CDKAL1: variants seen among roughly 807,000 people sequenced by gnomAD.
CDKAL1 encodes CDKAL1 threonylcarbamoyladenosine tRNA methylthiotransferase, also known as threonylcarbamoyladenosine tRNA methylthiotransferase.
CDKAL1 carries 32 observed loss-of-function variants against 68.2 expected under a neutral mutation model. That is an observed-to-expected ratio of 0.47 (90% CI 0.35 to 0.63). The LOEUF is 0.63. CDKAL1 is among the 30% of genes least tolerant of loss of function. The pLI is 0.00. For synonymous variants in CDKAL1, 234 were observed against 244.3 expected, an observed-to-expected ratio of 0.96 and a Z score of 0.39; for missense variants, 606 against 696.7, an observed-to-expected ratio of 0.87 and a Z score of 1.47.
At chr6:21,001,698 G>C (rs941809622) in intron 11 of CDKAL1, among the ~76,000 whole-genome samples, 1 of 152,088 alleles carries the variant, frequency 6.6e-6, no homozygotes, top group African/African-American at 2.4e-5. Flanking sequence ...ATCTGCTGTT[G>C]GCCTATAGCC....
At chr6:21,189,416 C>A (rs1485884257) in intron 13 of CDKAL1, among the ~76,000 whole-genome samples, 1 of 152,142 alleles carries the variant, frequency 6.6e-6, no homozygotes, top group Non-Finnish European at 1.5e-5. Context: ...AACATTCTTC[C>A]CCTTTTGAGT....
chr6:20,965,480 C>G (rs1175901439), intron 10 of CDKAL1, among the ~76,000 whole-genome samples: 1 of 152,010 alleles, frequency 6.6e-6, no homozygotes, highest in African/African-American at 2.4e-5. Flanking sequence ...TATCCTGGGT[C>G]ATGTCTCTCT....
intron 9 of CDKAL1, among the ~76,000 whole-genome samples, chr6:20,864,837 A>T (rs1759818052): frequency 6.6e-6 from 1 of 152,202 alleles, no homozygotes; most frequent in Non-Finnish European, 1.5e-5. Context: ...AGTTTATTGT[A>T]CATGCTGCAT....
chr6:20,663,024 G>T (rs1769358992), intron 5 of CDKAL1, among the ~76,000 whole-genome samples: 2 of 152,104 alleles, frequency 1.3e-5, no homozygotes, highest in African/African-American at 4.8e-5. Context: ...TTCCCTTTTG[G>T]TGTCAAATGG....
At chr6:20,699,798 T>G (rs1771261686) in intron 5 of CDKAL1, among the ~76,000 whole-genome samples, 1 of 152,218 alleles carries the variant, frequency 6.6e-6, no homozygotes, top group Non-Finnish European at 1.5e-5. Context: ...CACAGAACCA[T>G]GTACAGCATT....
intron 4 of CDKAL1, among the ~76,000 whole-genome samples, chr6:20,556,430 C>G (rs1424949305): frequency 2.0e-5 from 3 of 152,024 alleles, no homozygotes; most frequent in Non-Finnish European, 4.4e-5. Context: ...CTACCTGGTC[C>G]ATTCCTACCT....
rs1561749825 is a variant in CDKAL1, at chr6:20,756,838, T to TCC, written c.469-1757_469-1756insCC. On this transcript the variant is annotated intron_variant, in intron 6 of 15. Transcript: ENST00000274695. ...TTCCTTCCTTCCTTCCTTCCTTCCTTTCTTCCTTCCTTCTCCCCTTCCTTC... is the reference window on the plus strand; with the variant it reads ...TTCCTTCCTTCCTTCCTTCCTTCCTTCCTCTTCCTTCCTTCTCCCCTTCCTTC... 7.4e-4 allele frequency: 102 copies of TCC among 137,468 alleles called. 1 individual carries two copies. Among genetic ancestry groups the TCC allele is most frequent in the South Asian group, 2.9e-3 (12 of 4,098 alleles). 8.5% of individuals were successfully genotyped at this position (137,468 alleles called of 1,614,324 possible).
At chr6:20,786,494 C>CTTTTTTTTTTTTTTTTT (rs1197574844) in intron 8 of CDKAL1, among the ~76,000 whole-genome samples, 11 of 80,774 alleles carry the variant, frequency 1.4e-4, no homozygotes, top group African/African-American at 2.0e-4. Context: ...TTTTTCTTAT[C>CTTTTTTTTTTTTTTTTT]TTTTTTTTTT....
intron 2 of CDKAL1, among the ~76,000 whole-genome samples, chr6:20,544,112 A>AT (rs1288329051): frequency 1.3e-5 from 2 of 152,040 alleles, no homozygotes; most frequent in Non-Finnish European, 2.9e-5. Context: ...GTCAAGGTTC[A>AT]TTTTTTGCCT....
intron 13 of CDKAL1, among the ~76,000 whole-genome samples, chr6:21,150,845 A>G (rs1237920692): frequency 6.6e-6 from 1 of 152,218 alleles, no homozygotes; most frequent in Non-Finnish European, 1.5e-5. Flanking sequence ...ATGTCACATT[A>G]CTATGAGAGC....
At chr6:20,989,933 A>G (rs1766703508) in intron 10 of CDKAL1, among the ~76,000 whole-genome samples, 1 of 152,130 alleles carries the variant, frequency 6.6e-6, no homozygotes, top group South Asian at 2.1e-4. Context: ...TCCTTAACAG[A>G]GCAGAATAAT....
chr6:21,172,032 C>T (rs1441727463), intron 13 of CDKAL1, among the ~76,000 whole-genome samples: 1 of 152,172 alleles, frequency 6.6e-6, no homozygotes, highest in African/African-American at 2.4e-5. Flanking sequence ...GAACCTTCCT[C>T]TCCAAAAAAT....
chr6:21,133,589 G>A (rs924080886), intron 13 of CDKAL1, among the ~76,000 whole-genome samples: 13 of 152,216 alleles, frequency 8.5e-5, no homozygotes, highest in African/African-American at 2.7e-4. Context: ...TTCTGGTTCT[G>A]CACCATCTGG....
At chr6:21,030,414 C>T (rs962943223) in intron 11 of CDKAL1, among the ~76,000 whole-genome samples, 14 of 152,048 alleles carry the variant, frequency 9.2e-5, no homozygotes, top group African/African-American at 3.4e-4. Flanking sequence ...TTGATAGGTG[C>T]AGCAGACCAC....
chr6:21,172,836 T>C (rs1777440353), intron 13 of CDKAL1, among the ~76,000 whole-genome samples: 1 of 152,212 alleles, frequency 6.6e-6, no homozygotes, highest in Non-Finnish European at 1.5e-5. Flanking sequence ...TTTCAGTTGC[T>C]TGTGTGTACA....
intron 8 of CDKAL1, among the ~76,000 whole-genome samples, chr6:20,782,929 G>A (rs1384662079): frequency 6.6e-6 from 1 of 151,976 alleles, no homozygotes; most frequent in Non-Finnish European, 1.5e-5. Context: ...GAAAAATGCA[G>A]ATTTTTTTTT....
At chr6:21,184,583 T>G (rs2151089791) in intron 13 of CDKAL1, among the ~76,000 whole-genome samples, 1 of 152,318 alleles carries the variant, frequency 6.6e-6, no homozygotes, top group South Asian at 2.1e-4. Context: ...AACTGTATAC[T>G]ATCATGTGCA....
intron 2 of CDKAL1, among the ~76,000 whole-genome samples, chr6:20,536,899 C>A (rs1277393691): frequency 6.6e-6 from 1 of 152,246 alleles, no homozygotes; most frequent in Non-Finnish European, 1.5e-5. Context: ...TTGAAAACCA[C>A]TGGACATTGC....
At chr6:20,554,403 T>C (rs1296050833) in intron 4 of CDKAL1, among the ~76,000 whole-genome samples, 1 of 152,234 alleles carries the variant, frequency 6.6e-6, no homozygotes, top group Non-Finnish European at 1.5e-5. Flanking sequence ...GATTATTTCT[T>C]TGGGAGATGT....
Sources: gnomAD v4.1 joint callset for allele counts (sites outside exome capture counted in the v4.1 genomes callset) on GRCh38, gnomAD v4.1.1 for gene constraint, MANE v1.5 for transcripts, NCBI Gene and HGNC (gene_info 2026-07-23, HGNC 2026-07-21) for gene names.